Variants in PCDHA2 observed in about 807,000 individuals in gnomAD.
PCDHA2 encodes protocadherin alpha-2.
PCDHA2 carries 58 observed loss-of-function variants against 66.0 expected under a neutral mutation model. The ratio of observed to expected loss-of-function variants is 0.88; its 90% confidence interval spans 0.71 to 1.09. The LOEUF is 1.09. Among genes scored for constraint, PCDHA2 ranks in the 50% least tolerant of loss-of-function variants. PCDHA2 has a pLI of 0.00. For synonymous variants in PCDHA2, 634 were observed against 554.0 expected, an observed-to-expected ratio of 1.14 and a Z score of -2.03; for missense variants, 1,267 against 1,242.3, an observed-to-expected ratio of 1.02 and a Z score of -0.30.
intron 1 of PCDHA2, among the ~76,000 whole-genome samples, chr5:140,964,516 C>G (rs1410737676): frequency 6.6e-6 from 1 of 152,006 alleles, no homozygotes; most frequent in African/African-American, 2.4e-5. Flanking sequence ...ACCCAGTGGC[C>G]AGGTCTCTGA....
chr5:140,805,062 A>G lies in PCDHA2; in HGVS notation c.2388+7710A>G, dbSNP rs782786222. On this transcript the variant is annotated intron_variant, in intron 1 of 3. Transcript: ENST00000526136. ...AGCCAAAGTACTTGTCTTCCCAGAT[A>G]TGGAACTTCAATCTTCAAATCCAGC... The G allele has an allele frequency of 1.3e-5, 20 of 1,592,874 alleles. No individual in the cohort carries two copies. The Admixed American group carries it at 1.7e-4, about 13-fold the overall frequency.
At chr5:140,848,285 C>T in intron 1 of PCDHA2, 1 of 617,022 alleles carries the variant, frequency 1.6e-6, no homozygotes. Flanking sequence ...TGTACTTACA[C>T]TTTGGGCCAC....
At chr5:140,937,323 C>T (rs1350536354) in intron 1 of PCDHA2, among the ~76,000 whole-genome samples, 3 of 152,120 alleles carry the variant, frequency 2.0e-5, no homozygotes, top group African/African-American at 7.2e-5. Flanking sequence ...AGGCGTGAGC[C>T]ACCGCGCCCG....
chr5:140,832,345 G>A (rs2150201218), intron 1 of PCDHA2, among the ~76,000 whole-genome samples: 8 of 152,168 alleles, frequency 5.3e-5, no homozygotes, highest in Non-Finnish European at 1.2e-4. Context: ...GTTGTGGTTT[G>A]TGTTTCCTAA....
At position 140,882,318 on chromosome 5, in the gene PCDHA2, G is replaced by A. The variant is rs534213144; in HGVS notation, c.2388+84966G>A. On this transcript the variant is annotated intron_variant, in intron 1 of 3. Transcript: ENST00000526136. ...CCAAGACCGCGGCAACTACTGCTCT[G>A]GCTTCTGATCCTCGCAGCCTGGGAG... 5 of 1,614,128 alleles carry A rather than the reference G, an allele frequency of 3.1e-6. No individual in the cohort carries two copies. In the African/African-American group the frequency reaches 6.7e-5, roughly 22 times the overall value.
At chr5:140,989,041 A>G (rs531223216) in intron 3 of PCDHA2, 1 of 152,340 alleles carries the variant, frequency 6.6e-6, no homozygotes, top group Admixed American at 6.5e-5. Flanking sequence ...GATTCCTTTA[A>G]TATGCCAGCT....
chr5:140,877,156 G>A (rs1471783281), intron 1 of PCDHA2: 1 of 1,613,692 alleles, frequency 6.2e-7, no homozygotes, highest in Admixed American at 1.7e-5. Context: ...GAACGACAAC[G>A]CGCCGGCACT....
chr5:140,830,441 G>C (rs1251933211), intron 1 of PCDHA2: 9 of 1,608,106 alleles, frequency 5.6e-6, no homozygotes, highest in Non-Finnish European at 7.7e-6. Context: ...TATTATGATG[G>C]GTAAGGCGGA....
chr5:140,858,695 T>C (rs563307566), intron 1 of PCDHA2: 3 of 571,446 alleles, frequency 5.2e-6, no homozygotes, highest in Admixed American at 3.6e-5. Flanking sequence ...TATTTTCCAA[T>C]ACAAATATGT....
At chr5:140,904,314 T>C (rs1554191432) in intron 1 of PCDHA2, among the ~76,000 whole-genome samples, 1 of 152,080 alleles carries the variant, frequency 6.6e-6, no homozygotes, top group Admixed American at 6.6e-5. Flanking sequence ...TTTCTTCACT[T>C]AGAATAATGG....
chr5:140,869,858 T>C (rs1554163543), intron 1 of PCDHA2: 5 of 1,610,642 alleles, frequency 3.1e-6, no homozygotes, highest in East Asian at 4.5e-5. Context: ...GTGAGCCTTA[T>C]GGAAAATGCT....
rs1436927101 is a variant in PCDHA2 at position 140,886,292 on chromosome 5, T to A, written c.2388+88940T>A. Reference sequence around the variant, plus strand: ...AAATTTTTTAAAATTATTTTTATATTTATTTATTTTTTATTACACTTTAAG... The same window carrying A: ...AAATTTTTTAAAATTATTTTTATATATATTTATTTTTTATTACACTTTAAG... On this transcript the variant is annotated intron_variant, in intron 1 of 3. Coordinates refer to ENST00000526136, the MANE Select transcript of PCDHA2 (RefSeq NM_018905.3). 5.3e-5 allele frequency among the ~76,000 whole-genome samples: 8 copies of A among 152,090 alleles called. No homozygotes were observed. In the East Asian group the frequency reaches 1.3e-3, roughly 26 times the overall value.
intron 1 of PCDHA2, among the ~76,000 whole-genome samples, chr5:140,976,448 G>C (rs2096716831): frequency 6.6e-6 from 1 of 152,148 alleles, no homozygotes; most frequent in Non-Finnish European, 1.5e-5. Context: ...CTACTAGGGA[G>C]GCTGGGGAAG....
chr5:140,925,254 A>G (rs1554202655), intron 1 of PCDHA2, among the ~76,000 whole-genome samples: 1 of 152,188 alleles, frequency 6.6e-6, no homozygotes, highest in African/African-American at 2.4e-5. Context: ...GGAAACTTTA[A>G]TTCTTGATCT....
intron 1 of PCDHA2, chr5:140,968,562 C>T (rs1210264786): frequency 4.3e-6 from 7 of 1,614,090 alleles, no homozygotes; most frequent in Non-Finnish European, 8.5e-7. Context: ...CGAACTGCCC[C>T]TGCTGGCTAC....
intron 1 of PCDHA2, among the ~76,000 whole-genome samples, chr5:140,934,050 C>T (rs558726288): frequency 6.6e-6 from 1 of 151,952 alleles, no homozygotes; most frequent in East Asian, 1.9e-4. Flanking sequence ...TTAGTCTTTC[C>T]AAGGCTAACT....
chr5:140,928,701 G>T, intron 1 of PCDHA2: 1 of 1,614,132 alleles, frequency 6.2e-7, no homozygotes, highest in Non-Finnish European at 8.5e-7. Context: ...TCTCCCGGGC[G>T]TCTGACTCTA....
At chr5:140,978,818 C>T in intron 1 of PCDHA2, 131 bp from the exon 2 acceptor site, 4 of 1,512,636 alleles carry the variant, frequency 2.6e-6, no homozygotes, top group Non-Finnish European at 3.5e-6. Flanking sequence ...TAGAGTTACA[C>T]ATGAAATGGC....
At position 140,985,395 on chromosome 5, in the gene PCDHA2, C is replaced by G. The variant is rs377641758; in HGVS notation, c.2536+2832C>G. 2.6e-5 allele frequency among the ~76,000 whole-genome samples: 4 copies of G among 152,302 alleles called. No individual in the cohort carries two copies. The East Asian group carries it at 7.7e-4, about 29-fold the overall frequency. On this transcript the variant is annotated intron_variant, in intron 3 of 3. Coordinates refer to ENST00000526136, the MANE Select transcript of PCDHA2 (RefSeq NM_018905.3). ...GGTCTATATAATCCAGTCACCCCAACTGTTCCCCTGGAAATGGAGTGAGGA... is the reference window on the plus strand; with the variant it reads ...GGTCTATATAATCCAGTCACCCCAAGTGTTCCCCTGGAAATGGAGTGAGGA...
Sources: gnomAD v4.1 joint callset for allele counts (sites outside exome capture counted in the v4.1 genomes callset) on GRCh38, gnomAD v4.1.1 for gene constraint, MANE v1.5 for transcripts, NCBI Gene and HGNC (gene_info 2026-07-23, HGNC 2026-07-21) for gene names.